Variants in RORA observed in about 807,000 individuals in gnomAD.
The protein encoded by RORA is RAR related orphan receptor A, also known as nuclear receptor ROR-alpha.
In RORA, 7 loss-of-function variants were observed where a neutral mutation model predicts 69.5. The ratio of observed to expected loss-of-function variants is 0.10; its 90% CI spans 0.06 to 0.19. The LOEUF (loss-of-function observed/expected upper bound fraction) is 0.19, where lower values mean the gene tolerates loss of function less well. Among genes scored for constraint, RORA ranks in the 10% least tolerant of loss-of-function variants. RORA has a pLI of 1.00. For missense variants in RORA, 457 were observed against 663.0 expected, an observed-to-expected ratio of 0.69 and a Z score of 3.41; for synonymous variants, 261 against 240.8, an observed-to-expected ratio of 1.08 and a Z score of -0.78.
chr15:60,632,982 C>G (rs939957865), intron 2 of RORA, among the ~76,000 whole-genome samples: 1 of 152,208 alleles, frequency 6.6e-6, no homozygotes, highest in African/African-American at 2.4e-5. Flanking sequence ...CAGCTACCAT[C>G]TTCAATTACC....
intron 1 of RORA, among the ~76,000 whole-genome samples, chr15:60,719,143 A>C (rs2071261498): frequency 4.3e-5 from 2 of 46,994 alleles, no homozygotes; most frequent in Middle Eastern, 9.3e-3. Flanking sequence ...TTGAATATGG[A>C]CTCAATATTA....
intron 3 of RORA, among the ~76,000 whole-genome samples, chr15:60,516,964 G>GCT (rs1404547317): frequency 1.3e-5 from 2 of 151,370 alleles, no homozygotes; most frequent in Admixed American, 1.3e-4. Context: ...GAACTAAAGA[G>GCT]CTAAACATAG....
At chr15:61,228,007 C>T (rs1019725588) in intron 1 of RORA, among the ~76,000 whole-genome samples, 1 of 152,052 alleles carries the variant, frequency 6.6e-6, no homozygotes. Context: ...AAGGAGGGAG[C>T]AACTGAGTCC....
At chr15:61,040,835 C>G (rs1351363604) in intron 1 of RORA, among the ~76,000 whole-genome samples, 1 of 152,144 alleles carries the variant, frequency 6.6e-6, no homozygotes, top group Non-Finnish European at 1.5e-5. Flanking sequence ...TCAATAATCA[C>G]TCATTTTTTC....
chr15:60,821,347 C>T (rs941265058), intron 1 of RORA, among the ~76,000 whole-genome samples: 3 of 152,172 alleles, frequency 2.0e-5, no homozygotes, highest in Non-Finnish European at 4.4e-5. Flanking sequence ...CTAGCCCCTA[C>T]GCTCTGCACT....
chr15:61,195,385 T>A (rs1344284647), intron 1 of RORA, among the ~76,000 whole-genome samples: 1 of 151,890 alleles, frequency 6.6e-6, no homozygotes, highest in Non-Finnish European at 1.5e-5. Context: ...CAGAGCTCCA[T>A]GCTTCAACAA....
At chr15:61,116,845 C>T (rs941741261) in intron 1 of RORA, among the ~76,000 whole-genome samples, 1 of 152,100 alleles carries the variant, frequency 6.6e-6, no homozygotes, top group East Asian at 1.9e-4. Flanking sequence ...TCCCTGCTAG[C>T]GCTAACTTCT....
intron 1 of RORA, among the ~76,000 whole-genome samples, chr15:61,222,333 T>A (rs1416434287): frequency 6.6e-6 from 1 of 152,198 alleles, no homozygotes; most frequent in African/African-American, 2.4e-5. Flanking sequence ...TCTGTAATAA[T>A]GACGTGTCAG....
Position 60,597,577 on chromosome 15 carries a change from C to CACATAT in RORA, c.197-65727_197-65726insATATGT, listed in dbSNP as rs1555435975. 9.1e-4 allele frequency among the ~76,000 whole-genome samples: 23 copies of CACATAT among 25,320 alleles called. 2 individuals are homozygous for CACATAT. Among genetic ancestry groups the CACATAT allele is most frequent in the Non-Finnish European group, 1.3e-3 (19 of 14,904 alleles). The allele number at this position is 25,320 out of a possible 152,430, so 16.6% of individuals were successfully genotyped here. A position where few individuals can be genotyped will look rare whatever the true frequency, so the allele number is the denominator to read the frequency against. On this transcript the variant is annotated intron_variant, in intron 2 of 10. Transcript: ENST00000335670. ...ATATATATATATATATATATATACA[C>CACATAT]ATATATATATATATATACACATATA...
chr15:60,721,686 G>A (rs1235610892), intron 1 of RORA, among the ~76,000 whole-genome samples: 2 of 152,220 alleles, frequency 1.3e-5, no homozygotes, highest in Non-Finnish European at 2.9e-5. Flanking sequence ...CAATACACAA[G>A]GCTATTTTGC....
chr15:61,152,537 T>C (rs1318310399), intron 1 of RORA, among the ~76,000 whole-genome samples: 1 of 151,502 alleles, frequency 6.6e-6, no homozygotes, highest in African/African-American at 2.4e-5. Flanking sequence ...AGTTCAAATC[T>C]AGAAAAAATA....
chr15:60,841,249 A>G (rs1379460012), intron 1 of RORA, among the ~76,000 whole-genome samples: 3 of 152,206 alleles, frequency 2.0e-5, no homozygotes, highest in Non-Finnish European at 4.4e-5. Context: ...AGGCACTACA[A>G]GGTGCCCTCC....
intron 1 of RORA, among the ~76,000 whole-genome samples, chr15:61,191,333 G>C (rs1015235447): frequency 7.4e-5 from 11 of 148,824 alleles, no homozygotes; most frequent in Middle Eastern, 3.4e-3. Context: ...TTTTTTAAAG[G>C]AAAGCACACC....
At position 60,505,438 on chromosome 15, in the gene RORA, C is replaced by A. The variant is rs928313651; in HGVS notation, c.942+70G>T. On this transcript the variant is annotated intron_variant, in intron 6 of 10. Transcript: ENST00000335670. The stretch of plus-strand genomic sequence containing the variant: ...TCTTTAGTCTGTGTGAACTCTTGAC[C>A]AACTTTCCTATACCAACACCCTTCC... 2.6e-6 allele frequency: 4 copies of A among 1,520,010 alleles called. No homozygotes were observed. The African/African-American group carries it at 4.1e-5, about 16-fold the overall frequency. 94.2% of individuals were successfully genotyped at this position (1,520,010 alleles called of 1,614,324 possible). A position where few individuals can be genotyped will look rare whatever the true frequency, so the allele number is the denominator to read the frequency against.
intron 1 of RORA, among the ~76,000 whole-genome samples, chr15:61,173,621 T>G (rs1425326603): frequency 6.6e-6 from 1 of 152,076 alleles, no homozygotes; most frequent in Non-Finnish European, 1.5e-5. Flanking sequence ...GAATAACAAG[T>G]CAAATAAAAT....
intron 2 of RORA, among the ~76,000 whole-genome samples, chr15:60,557,651 T>C (rs1251655405): frequency 1.3e-5 from 2 of 152,346 alleles, no homozygotes; most frequent in African/African-American, 4.8e-5. Flanking sequence ...AAGAGAAACA[T>C]TCTGCAAACT....
At chr15:60,526,383 G>T (rs1176957623) in intron 3 of RORA, among the ~76,000 whole-genome samples, 39 of 152,216 alleles carry the variant, frequency 2.6e-4, no homozygotes, top group Admixed American at 2.6e-3. Flanking sequence ...CCCAAGCCAG[G>T]TGCTGTGTCA....
chr15:60,801,356 G>A (rs1411427897), intron 1 of RORA, among the ~76,000 whole-genome samples: 5 of 152,138 alleles, frequency 3.3e-5, no homozygotes, highest in East Asian at 1.9e-4. Context: ...TATAAGGAAC[G>A]AATGCTGCCT....
At chr15:60,527,118 G>C (rs2066384413) in intron 3 of RORA, among the ~76,000 whole-genome samples, 1 of 152,160 alleles carries the variant, frequency 6.6e-6, no homozygotes, top group Non-Finnish European at 1.5e-5. Flanking sequence ...GTGTTATCAA[G>C]AGGAAAAGGT....
Sources: allele counts gnomAD v4.1 joint callset (sites outside exome capture counted in the v4.1 genomes callset), GRCh38; gene constraint gnomAD v4.1.1; transcripts MANE v1.5; gene names NCBI Gene and HGNC (gene_info 2026-07-23, HGNC 2026-07-21).